PKHD1: variants seen among roughly 807,000 people sequenced by gnomAD.
PKHD1 encodes the protein PKHD1 ciliary IPT domain containing fibrocystin/polyductin.
Under a neutral mutation model 412.0 loss-of-function variants are expected in PKHD1, and 291 were observed. That is an observed-to-expected ratio of 0.71 (90% CI 0.64 to 0.78). PKHD1 has a LOEUF of 0.78. PKHD1 is among the 30% of genes least tolerant of loss of function. The probability of loss-of-function intolerance (pLI) is 0.00; values close to 1 mark genes in which losing one functional copy is unlikely to be tolerated. For missense variants in PKHD1, 4,825 were observed against 4,950.7 expected, an observed-to-expected ratio of 0.97 and a Z score of 0.76; for synonymous variants, 1,777 against 1,821.5, an observed-to-expected ratio of 0.98 and a Z score of 0.62.
chr6:52,055,536 CA>C, intron 19 of PKHD1, 50 bp downstream of exon 19: 1 of 1,596,258 alleles, frequency 6.3e-7, no homozygotes, highest in Non-Finnish European at 8.6e-7. Flanking sequence ...ATCCAGAGAG[CA>C]ATACCAATAC....
chr6:52,006,371 GTTGT>G (rs34570175), intron 35 of PKHD1, among the ~76,000 whole-genome samples: 98 of 148,690 alleles, frequency 6.6e-4, no homozygotes, highest in African/African-American at 1.5e-3. Flanking sequence ...TGTTGTTGTT[GTTGT>G]TTGTTTGTTT....
At chr6:51,747,702 TG>T in intron 58 of PKHD1, 84 bp downstream of exon 58, 1 of 1,193,250 alleles carries the variant, frequency 8.4e-7, no homozygotes, top group South Asian at 1.2e-5. Flanking sequence ...TGTACCTTTT[TG>T]TTGATAAAAT....
intron 48 of PKHD1, among the ~76,000 whole-genome samples, chr6:51,861,792 A>C (rs935465233): frequency 7.2e-5 from 11 of 152,186 alleles, no homozygotes; most frequent in African/African-American, 2.4e-4. Context: ...AAGTATCTAC[A>C]GTTTTTGCAA....
At chr6:51,848,422 T>C (rs1345444891) in intron 49 of PKHD1, among the ~76,000 whole-genome samples, 1 of 152,226 alleles carries the variant, frequency 6.6e-6, no homozygotes, top group Non-Finnish European at 1.5e-5. Flanking sequence ...GCATTTACTA[T>C]GCAATCAGCA....
rs1402872252 is a variant in PKHD1, at chr6:52,083,167, C to T, written c.130+11G>A. The T allele has an allele frequency of 1.9e-6, 3 of 1,572,620 alleles. No homozygotes were observed. The Admixed American group carries it at 5.0e-5, about 26-fold the overall frequency. On this transcript the variant is annotated intron_variant, in intron 3 of 66. Transcript: ENST00000371117. ...CATAAGAAATGTGCACTTGGTAAAA[C>T]CCCAACCTACCATCAAAAATGACTG...
chr6:51,843,271 G>A (rs1431756905), intron 50 of PKHD1, among the ~76,000 whole-genome samples: 1 of 152,194 alleles, frequency 6.6e-6, no homozygotes, highest in African/African-American at 2.4e-5. Flanking sequence ...AATAAATAGA[G>A]AGTGGGGTGT....
rs755810615 is a variant in PKHD1, at chr6:51,943,332, C to CT, written c.5909-9011dup. Among the ~76,000 whole-genome samples the CT allele has an allele frequency of 9.5e-4, 143 of 151,050 alleles. 3 individuals are homozygous for CT. The highest frequency in any genetic ancestry group is 1.7e-3 in the Non-Finnish European group (116 of 67,532). On this transcript the variant is annotated intron_variant, in intron 36 of 66. Coordinates refer to ENST00000371117, the MANE Select transcript of PKHD1 (RefSeq NM_138694.4). Reference sequence around the variant, plus strand: ...ATTTGAGCTCCTGTATAAGACGCTCCTTTTTATTAGGCCCCAGTCTCATTC... The same window carrying CT: ...ATTTGAGCTCCTGTATAAGACGCTCCTTTTTTATTAGGCCCCAGTCTCATTC...
chr6:51,914,161 A>T (rs1783416502), intron 37 of PKHD1, among the ~76,000 whole-genome samples: 1 of 152,158 alleles, frequency 6.6e-6, no homozygotes, highest in Non-Finnish European at 1.5e-5. Flanking sequence ...GTGACTATCA[A>T]CATGCAAGCT....
At chr6:51,784,286 G>T (rs1792509847) in intron 53 of PKHD1, among the ~76,000 whole-genome samples, 1 of 152,094 alleles carries the variant, frequency 6.6e-6, no homozygotes, top group Non-Finnish European at 1.5e-5. Context: ...AAATAATAAA[G>T]GTAGTCCTTG....
chr6:51,833,764 G>T (rs1231716171), intron 51 of PKHD1, among the ~76,000 whole-genome samples: 1 of 152,152 alleles, frequency 6.6e-6, no homozygotes, highest in African/African-American at 2.4e-5. Context: ...ATTGAGGAAT[G>T]CACTGGAGGT....
chr6:51,815,720 G>A (rs1052966518), intron 52 of PKHD1, among the ~76,000 whole-genome samples: 24 of 152,010 alleles, frequency 1.6e-4, no homozygotes, highest in African/African-American at 5.1e-4. Context: ...ATGCAACATC[G>A]ATATCCAAGA....
At chr6:51,774,815 T>C (rs1001524725) in intron 54 of PKHD1, among the ~76,000 whole-genome samples, 5 of 151,766 alleles carry the variant, frequency 3.3e-5, no homozygotes, top group Non-Finnish European at 7.4e-5. Flanking sequence ...GAAAAATGAC[T>C]TACTTGAAAA....
intron 63 of PKHD1, 140 bp downstream of exon 63, chr6:51,647,891 T>A: frequency 1.5e-6 from 1 of 679,658 alleles, no homozygotes; most frequent in Non-Finnish European, 2.7e-6. Context: ...CACTGTAGAT[T>A]AGGGATGAAG....
intron 29 of PKHD1, among the ~76,000 whole-genome samples, chr6:52,030,993 AT>A (rs997211030): frequency 2.0e-5 from 3 of 152,178 alleles, no homozygotes; most frequent in Non-Finnish European, 4.4e-5. Context: ...TAAAAAAAAA[AT>A]AGGACCAATA....
chr6:51,721,429 A>G (rs903839025), intron 60 of PKHD1: 1 of 594,184 alleles, frequency 1.7e-6, no homozygotes, highest in Admixed American at 6.4e-5. Flanking sequence ...TAATATCTCA[A>G]TATAATTGGT....
intron 60 of PKHD1, among the ~76,000 whole-genome samples, chr6:51,666,813 C>T (rs562299169): frequency 6.6e-5 from 10 of 151,136 alleles, no homozygotes; most frequent in South Asian, 4.2e-4. Context: ...TTTGTTCTTG[C>T]GATAGTTTAC....
At chr6:52,022,618 A>AT (rs1425017274) in intron 33 of PKHD1, among the ~76,000 whole-genome samples, 183 bp downstream of exon 33, 1 of 152,206 alleles carries the variant, frequency 6.6e-6, no homozygotes, top group African/African-American at 2.4e-5. Flanking sequence ...ATGATGAATC[A>AT]TTTTAACAGG....
chr6:51,973,810 T>C (rs1793993857), intron 35 of PKHD1, among the ~76,000 whole-genome samples: 1 of 152,206 alleles, frequency 6.6e-6, no homozygotes, highest in Non-Finnish European at 1.5e-5. Flanking sequence ...AAATAGAGAT[T>C]TCTTTTTTCC....
intron 29 of PKHD1, among the ~76,000 whole-genome samples, chr6:52,031,178 C>T (rs1405103113): frequency 6.6e-6 from 1 of 152,198 alleles, no homozygotes; most frequent in Non-Finnish European, 1.5e-5. Context: ...TCCCACCTAT[C>T]AAATGAAGGA....
Sources: allele counts gnomAD v4.1 joint callset (sites outside exome capture counted in the v4.1 genomes callset), GRCh38; gene constraint gnomAD v4.1.1; transcripts MANE v1.5; gene names NCBI Gene and HGNC (gene_info 2026-07-23, HGNC 2026-07-21).